ZAP70: variants seen among roughly 807,000 people sequenced by gnomAD.
ZAP70 encodes the protein tyrosine-protein kinase ZAP-70.
In ZAP70, 27 loss-of-function variants were observed where a neutral mutation model predicts 65.8. That is an observed-to-expected ratio of 0.41 (90% confidence interval 0.30 to 0.57). ZAP70 has a LOEUF of 0.57. Among genes scored for constraint, ZAP70 ranks in the 20% least tolerant of loss-of-function variants. The pLI is 0.28. For missense variants in ZAP70, 696 were observed against 870.5 expected (o/e 0.80, Z 2.52); for synonymous variants, 363 against 360.8 (o/e 1.01, Z -0.07).
chr2:97,747,534 G>A, the ZAP70 span, among the ~76,000 whole-genome samples: 1 of 152,156 alleles, frequency 6.6e-6, no homozygotes, highest in Non-Finnish European at 1.5e-5. Context: ...GAGACAGAAG[G>A]TAGATAGTGG....
Position 97,733,544 on chromosome 2 carries a change from C to A in ZAP70, c.838C>A (p.Pro280Thr), listed in dbSNP as rs760626189. ...LPAHPSTLTH[P>T]QRRIDTLNSD... is the part of the protein sequence containing the mutation. ...GCCTTGCTGACCCTGTGGCCTTTAGCCTCAGAGACGAATCGACACCCTCAA... is the reference window on the plus strand; with the variant it reads ...GCCTTGCTGACCCTGTGGCCTTTAGACTCAGAGACGAATCGACACCCTCAA... The change falls in exon 8 of 14, where the codon CCT becomes ACT. Residue 280 changes from proline (P) to threonine (T), a missense_variant and splice_region_variant. Coordinates refer to ENST00000264972, the MANE Select transcript of ZAP70 (RefSeq NM_001079.4). The A allele has an allele frequency of 1.9e-6, 3 of 1,613,616 alleles. No individual in the cohort carries two copies. The Admixed American group carries it at 5.0e-5, about 27-fold the overall frequency.
intron 4 of ZAP70, among the ~76,000 whole-genome samples, chr2:97,728,650 A>G (rs1677484429): frequency 1.3e-5 from 2 of 152,226 alleles, no homozygotes; most frequent in Admixed American, 1.3e-4. Flanking sequence ...GTGCACTGCC[A>G]ATGCTGGCTT....
In ZAP70 at chr2:97,733,015, C is replaced by G. The variant is rs1303510940; in HGVS notation, c.696C>G (p.Leu232=). The G allele has an allele frequency of 1.9e-6, 3 of 1,614,128 alleles. No homozygotes were observed. The highest frequency in any genetic ancestry group is 1.1e-5 in the South Asian group (1 of 91,092). The change falls in exon 5 of 14, where the codon CTC becomes CTG. Residue 232 remains leucine, a synonymous_variant. Coordinates refer to ENST00000264972, the MANE Select transcript of ZAP70 (RefSeq NM_001079.4). The part of the protein sequence containing the change: ...CIPEGTKFDT[L]WQLVEYLKLK... The stretch of plus-strand genomic sequence containing the variant: ...CCGAGGGCACCAAGTTTGACACGCT[C>G]TGGCAGGTAGGCTGCCCGTGCAACT...
Position 97,739,663 on chromosome 2 carries a change from C to A in ZAP70, c.*165C>A, listed in dbSNP as rs1236412593. On this transcript the variant is annotated 3_prime_UTR_variant, in exon 14 of 14. Coordinates refer to ENST00000264972, the MANE Select transcript of ZAP70 (RefSeq NM_001079.4). ...CGGCCTTGCATTGCCTGCCTGGCCC[C>A]CTGTCCTCTCTGGCTGGGGAGCAGG... 8.9e-7 allele frequency: 1 copy of A among 1,118,620 alleles called. No individual in the cohort carries two copies. The highest frequency in any genetic ancestry group is 1.3e-6 in the Non-Finnish European group (1 of 795,566). The allele number at this position is 1,118,620 out of a possible 1,614,324, so 69.3% of individuals were successfully genotyped here. A position where few individuals can be genotyped will look rare whatever the true frequency, so the allele number is the denominator to read the frequency against.
rs55933862 is a variant in ZAP70 at position 97,734,720 on chromosome 2, C to A, written c.1082+8C>A. The A allele has an allele frequency of 2.5e-6, 4 of 1,613,076 alleles. No homozygotes were observed. The Admixed American group carries it at 5.0e-5, about 20-fold the overall frequency. On this transcript the variant is annotated splice_region_variant and intron_variant, in intron 9 of 13. Coordinates refer to ENST00000264972, the MANE Select transcript of ZAP70 (RefSeq NM_001079.4). ...CGTGTACCGCATGCGCAAGTATGGC[C>A]GCCCCTGCCGTGGTGGGAGCACCGC...
chr2:97,728,611 G>A (rs1392866061), intron 4 of ZAP70, among the ~76,000 whole-genome samples: 1 of 152,220 alleles, frequency 6.6e-6, no homozygotes, highest in East Asian at 1.9e-4. Flanking sequence ...CATGGTTGCC[G>A]AAGAACAGAT....
the ZAP70 span, among the ~76,000 whole-genome samples, chr2:97,747,815 G>GTTTTTTTTTTTTTTTTTT: frequency 3.7e-5 from 2 of 54,792 alleles, 1 homozygote; most frequent in African/African-American, 1.8e-4. Context: ...CTGGCACGAG[G>GTTTTTTTTTTTTTTTTTT]TTTTTTTTTT....
At chr2:97,734,343 A>G in intron 8 of ZAP70, 177 bp from the exon 9 acceptor site, 2 of 1,429,038 alleles carry the variant, frequency 1.4e-6, no homozygotes, top group South Asian at 3.0e-5. Context: ...AGCTGTGGCC[A>G]GGAGTGTATG....
At chr2:97,717,094 A>G (rs2104639060) in intron 2 of ZAP70, among the ~76,000 whole-genome samples, 1 of 152,320 alleles carries the variant, frequency 6.6e-6, no homozygotes, top group East Asian at 1.9e-4. Flanking sequence ...TGTGCTGACG[A>G]CCAGTGCCTA....
rs1677283137 is a variant in ZAP70, at chr2:97,724,273, A to G, written c.237A>G (p.Gly79=). The G allele has an allele frequency of 6.2e-7, 1 of 1,604,140 alleles. No individual in the cohort carries two copies. Among genetic ancestry groups the G allele is most frequent in the Non-Finnish European group, 8.5e-7 (1 of 1,178,060 alleles). The change falls in exon 3 of 14, where the codon GGA becomes GGG. Residue 79 remains glycine, a synonymous_variant. Coordinates refer to ENST00000264972, the MANE Select transcript of ZAP70 (RefSeq NM_001079.4). ...TTGCCGGCGGCAAAGCGCACTGTGG[A>G]CCGGCAGAGCTCTGCGAGTTCTACT... ...YAIAGGKAHC[G]PAELCEFYSR... is the part of the protein sequence containing the mutation.
intron 2 of ZAP70, among the ~76,000 whole-genome samples, chr2:97,716,380 A>G (rs1162768325): frequency 6.6e-6 from 1 of 152,226 alleles, no homozygotes; most frequent in African/African-American, 2.4e-5. Flanking sequence ...AGAACAAGAC[A>G]AAGGCTCCAC....
the ZAP70 span, among the ~76,000 whole-genome samples, chr2:97,750,549 C>A: frequency 2.6e-5 from 4 of 152,196 alleles, no homozygotes; most frequent in Non-Finnish European, 4.4e-5. Context: ...AAACTCTAGA[C>A]AGGAGATACT....
the ZAP70 span, among the ~76,000 whole-genome samples, chr2:97,746,672 A>G: frequency 6.6e-6 from 1 of 152,242 alleles, no homozygotes; most frequent in Non-Finnish European, 1.5e-5. Flanking sequence ...TGTTGACAGC[A>G]GCACACACAG....
In ZAP70 at chr2:97,730,056, G is replaced by A. The variant is rs139616603; in HGVS notation, c.564-2827G>A. Among the ~76,000 whole-genome samples, 662 of 152,184 alleles carry A rather than the reference G, an allele frequency of 4.3e-3. 5 individuals carry two copies. The highest frequency in any genetic ancestry group is 0.015 in the African/African-American group (622 of 41,500). On this transcript the variant is annotated intron_variant, in intron 4 of 13. Transcript: ENST00000264972. ...AGCCTGGCCAACATGGTGAAACCCTGTCTCTACTAAAAATACAAAAATTAG... is the reference window on the plus strand; with the variant it reads ...AGCCTGGCCAACATGGTGAAACCCTATCTCTACTAAAAATACAAAAATTAG...
chr2:97,738,129 AC>A (rs1262425691), intron 13 of ZAP70, 22 bp downstream of exon 13: 1 of 1,572,382 alleles, frequency 6.4e-7, no homozygotes, highest in East Asian at 2.3e-5. Context: ...TGGGGAGGGG[AC>A]CCGGCTGGGC....
At chr2:97,738,245 C>T (rs1163780498) in intron 13 of ZAP70, 138 bp downstream of exon 13, 3 of 846,456 alleles carry the variant, frequency 3.5e-6, no homozygotes, top group African/African-American at 3.3e-5. Flanking sequence ...TTTGCAGCTG[C>T]CCCCTACCCC....
At chr2:97,734,808 A>G (rs1677783561) in intron 9 of ZAP70, 96 bp downstream of exon 9, 33 of 1,511,582 alleles carry the variant, frequency 2.2e-5, no homozygotes, top group Non-Finnish European at 2.9e-5. Flanking sequence ...TGTCTGTCTC[A>G]CAGCAGTTTG....
chr2:97,728,853 G>T (rs1677495079), intron 4 of ZAP70, among the ~76,000 whole-genome samples: 1 of 152,256 alleles, frequency 6.6e-6, no homozygotes, highest in Non-Finnish European at 1.5e-5. Context: ...CCCGGGTTTA[G>T]TGATTCTTCT....
intron 2 of ZAP70, among the ~76,000 whole-genome samples, chr2:97,717,113 C>T (rs1252095838): frequency 6.6e-6 from 1 of 152,214 alleles, no homozygotes; most frequent in Non-Finnish European, 1.5e-5. Flanking sequence ...TATGCTGCCT[C>T]TGTTGGTGGG....
Sources: allele counts gnomAD v4.1 joint callset (sites outside exome capture counted in the v4.1 genomes callset), GRCh38; gene constraint gnomAD v4.1.1; transcripts MANE v1.5; gene names NCBI Gene and HGNC (gene_info 2026-07-23, HGNC 2026-07-21).